Variants in PDZRN3 observed in about 807,000 individuals in gnomAD.
The protein encoded by PDZRN3 is PDZ domain containing ring finger 3, also known as E3 ubiquitin-protein ligase PDZRN3.
A neutral mutation model predicts 85.7 loss-of-function variants in PDZRN3; 38 were observed. The ratio of observed to expected loss-of-function variants is 0.44; its 90% CI spans 0.34 to 0.58. The LOEUF (loss-of-function observed/expected upper bound fraction) is 0.58, where lower values mean the gene tolerates loss of function less well. Ranked by LOEUF, PDZRN3 falls within the 20% of genes least tolerant of loss-of-function variation. PDZRN3 has a pLI of 0.01. For synonymous variants in PDZRN3, 759 were observed against 638.0 expected (o/e 1.19, Z -2.86); for missense variants, 1,629 against 1,506.4 (o/e 1.08, Z -1.35).
In PDZRN3 at chr3:73,562,236, T is replaced by TA. The variant is rs112223559; in HGVS notation, c.918+40117dup. The stretch of plus-strand genomic sequence containing the variant: ...CCTTAACACATTAATGTCCCACAGA[T>TA]AAAAAAAGAGTCATGAGAATACCAT... On this transcript the variant is annotated intron_variant, in intron 3 of 9. Coordinates refer to ENST00000263666, the MANE Select transcript of PDZRN3 (RefSeq NM_015009.3). Among the ~76,000 whole-genome samples the TA allele has an allele frequency of 4.6e-5, 7 of 152,036 alleles. No individual in the cohort carries two copies. In the East Asian group the frequency reaches 9.6e-4, roughly 21 times the overall value.
chr3:73,445,056 A>G (rs1702721203), intron 3 of PDZRN3, among the ~76,000 whole-genome samples: 1 of 152,076 alleles, frequency 6.6e-6, no homozygotes, highest in African/African-American at 2.4e-5. Flanking sequence ...GCAGGAAGGT[A>G]TGAAATGGCG....
At chr3:73,562,922 G>T (rs370701931) in intron 3 of PDZRN3, among the ~76,000 whole-genome samples, 3 of 138,490 alleles carry the variant, frequency 2.2e-5, no homozygotes, top group South Asian at 2.4e-4. Flanking sequence ...TCTATGAATG[G>T]AAAATACATT....
intron 3 of PDZRN3, among the ~76,000 whole-genome samples, chr3:73,471,106 C>T (rs1199417956): frequency 1.3e-5 from 2 of 152,030 alleles, no homozygotes; most frequent in Non-Finnish European, 2.9e-5. Flanking sequence ...AAAATGAGGT[C>T]ATTAAGGGTT....
intron 1 of PDZRN3, among the ~76,000 whole-genome samples, chr3:73,615,520 G>T (rs900644968): frequency 2.8e-4 from 42 of 152,246 alleles, no homozygotes; most frequent in African/African-American, 1.0e-3. Flanking sequence ...CCTTTGGGAC[G>T]TGATTAGGGA....
chr3:73,575,319 C>T lies in PDZRN3; in HGVS notation c.918+27035G>A, dbSNP rs369457975. On this transcript the variant is annotated intron_variant, in intron 3 of 9. Coordinates refer to ENST00000263666, the MANE Select transcript of PDZRN3 (RefSeq NM_015009.3). ...TTGCATGACCAACTCCACTGTACTACCTTATCCCTCCCAGAAGGTTCAGAG... is the reference window on the plus strand; with the variant it reads ...TTGCATGACCAACTCCACTGTACTATCTTATCCCTCCCAGAAGGTTCAGAG... 2.0e-5 allele frequency among the ~76,000 whole-genome samples: 3 copies of T among 152,098 alleles called. No individual in the cohort carries two copies. The East Asian group carries it at 5.8e-4, about 29-fold the overall frequency.
At chr3:73,455,481 C>G (rs1702959386) in intron 3 of PDZRN3, among the ~76,000 whole-genome samples, 1 of 152,200 alleles carries the variant, frequency 6.6e-6, no homozygotes, top group South Asian at 2.1e-4. Flanking sequence ...CATATCAGAT[C>G]TGGGAAGTCA....
At chr3:73,490,146 CCAGCACACCTGCACCCCTGGTG>C (rs530502060) in intron 3 of PDZRN3, among the ~76,000 whole-genome samples, 1 of 152,318 alleles carries the variant, frequency 6.6e-6, no homozygotes, top group South Asian at 2.1e-4. Context: ...TCTTCACGCC[CCAGCACACCTGCACCCCTGGTG>C]GGGCACACCT....
At chr3:73,531,019 G>A (rs866363735) in intron 3 of PDZRN3, among the ~76,000 whole-genome samples, 31 of 152,274 alleles carry the variant, frequency 2.0e-4, no homozygotes, top group Middle Eastern at 6.8e-3. Flanking sequence ...GGGAGGCCGA[G>A]GTGGGCGGAT....
intron 3 of PDZRN3, among the ~76,000 whole-genome samples, chr3:73,597,624 G>C (rs1412876159): frequency 2.0e-5 from 3 of 151,886 alleles, no homozygotes; most frequent in Non-Finnish European, 4.4e-5. Context: ...GGTTCTCCAA[G>C]CCATATGGCT....
intron 3 of PDZRN3, among the ~76,000 whole-genome samples, chr3:73,431,765 A>G (rs1260503590): frequency 6.6e-6 from 1 of 152,214 alleles, no homozygotes; most frequent in African/African-American, 2.4e-5. Context: ...TTACTGAGCA[A>G]TGCTTCAGCC....
rs1167584471 is a variant in PDZRN3, at chr3:73,462,542, C to CAA, written c.919-58149_919-58148dup. Among the ~76,000 whole-genome samples, 865 of 92,578 alleles carry CAA rather than the reference C, an allele frequency of 9.3e-3. 19 individuals carry two copies. The highest frequency in any genetic ancestry group is 0.067 in the East Asian group (227 of 3,400). The allele number at this position is 92,578 out of a possible 152,430, so 60.7% of individuals were successfully genotyped here. Reference sequence around the variant, plus strand: ...TTGGGCAACAGGTGAGACTCCGTCTCAAAAAAAAAAAAAAAAAAAAGAACT... The same window carrying CAA: ...TTGGGCAACAGGTGAGACTCCGTCTCAAAAAAAAAAAAAAAAAAAAAAGAACT... On this transcript the variant is annotated intron_variant, in intron 3 of 9. Coordinates refer to ENST00000263666, the MANE Select transcript of PDZRN3 (RefSeq NM_015009.3).
intron 3 of PDZRN3, among the ~76,000 whole-genome samples, chr3:73,423,584 A>G (rs1235818080): frequency 6.6e-6 from 1 of 152,284 alleles, no homozygotes; most frequent in African/African-American, 2.4e-5. Flanking sequence ...ATGTGTTTAT[A>G]AAAACATTAG....
intron 3 of PDZRN3, among the ~76,000 whole-genome samples, chr3:73,544,944 T>C (rs1701387646): frequency 6.6e-6 from 1 of 152,116 alleles, no homozygotes; most frequent in Non-Finnish European, 1.5e-5. Flanking sequence ...CGTAGCTGTA[T>C]TCCCCATCTC....
chr3:73,623,569 G>C (rs769231931), intron 1 of PDZRN3: 3 of 152,252 alleles, frequency 2.0e-5, no homozygotes, highest in Non-Finnish European at 4.4e-5. Context: ...TTTTACCCCA[G>C]AGGCCTCTCT....
At chr3:73,494,002 G>A (rs1275584147) in intron 3 of PDZRN3, among the ~76,000 whole-genome samples, 1 of 152,186 alleles carries the variant, frequency 6.6e-6, no homozygotes, top group Non-Finnish European at 1.5e-5. Context: ...GACCAGATTT[G>A]AATATTTGGC....
intron 3 of PDZRN3, among the ~76,000 whole-genome samples, chr3:73,506,854 G>A (rs997474684): frequency 1.3e-5 from 2 of 150,282 alleles, no homozygotes; most frequent in Admixed American, 6.6e-5. Context: ...AATCAGCTAT[G>A]ACTGTGCCAC....
At chr3:73,477,656 T>C (rs1335592956) in intron 3 of PDZRN3, among the ~76,000 whole-genome samples, 2 of 152,232 alleles carry the variant, frequency 1.3e-5, no homozygotes, top group Non-Finnish European at 2.9e-5. Context: ...TGAATGTCAA[T>C]GACATTTAGG....
chr3:73,611,946 G>C (rs1702691227), intron 1 of PDZRN3, among the ~76,000 whole-genome samples: 1 of 152,158 alleles, frequency 6.6e-6, no homozygotes, highest in African/African-American at 2.4e-5. Flanking sequence ...ATTGAAAAGA[G>C]GTGTAAATGG....
chr3:73,464,278 C>T (rs1703166541), intron 3 of PDZRN3, among the ~76,000 whole-genome samples: 1 of 152,196 alleles, frequency 6.6e-6, no homozygotes, highest in South Asian at 2.1e-4. Context: ...AGCCATGGTG[C>T]CTGGCCCTGT....
Sources: allele counts gnomAD v4.1 joint callset (sites outside exome capture counted in the v4.1 genomes callset), GRCh38; gene constraint gnomAD v4.1.1; transcripts MANE v1.5; gene names NCBI Gene and HGNC (gene_info 2026-07-23, HGNC 2026-07-21).